PCDH11X: variants seen among roughly 807,000 people sequenced by gnomAD.
PCDH11X encodes the protein protocadherin 11 X-linked.
Under a neutral mutation model 53.3 loss-of-function variants are expected in PCDH11X, and 18 were observed. The observed-to-expected ratio is 0.34, with a 90% CI of 0.23 to 0.50. The LOEUF is 0.50. Among genes scored for constraint, PCDH11X ranks in the 20% least tolerant of loss-of-function variants. The pLI is 0.98. For missense variants in PCDH11X, 570 were observed against 1,032.4 expected, an observed-to-expected ratio of 0.55 and a Z score of 6.14; for synonymous variants, 279 against 393.3, an observed-to-expected ratio of 0.71 and a Z score of 3.44.
intron 6 of PCDH11X, among the ~76,000 whole-genome samples, chrX:91,973,318 T>C (rs2061996825): frequency 1.0e-5 from 1 of 99,007 alleles, no homozygotes; most frequent in Non-Finnish European, 2.0e-5. Context: ...GGGATAGCAT[T>C]GGGAGATATA....
intron 6 of PCDH11X, among the ~76,000 whole-genome samples, chrX:92,057,657 G>T (rs978390330): frequency 1.3e-4 from 14 of 108,390 alleles, no homozygotes; most frequent in African/African-American, 4.1e-4. Flanking sequence ...TTTGCAAATT[G>T]GTTTCTCAAT....
chrX:92,475,101 C>T (rs1249879671), intron 10 of PCDH11X, among the ~76,000 whole-genome samples: 1 of 83,224 alleles, frequency 1.2e-5, no homozygotes, highest in Non-Finnish European at 2.1e-5. Context: ...GGAGGCGGAG[C>T]TTGCAGTGAG....
At chrX:92,116,689 G>A (rs776828564) in intron 6 of PCDH11X, among the ~76,000 whole-genome samples, 2 of 111,126 alleles carry the variant, frequency 1.8e-5, no homozygotes, top group South Asian at 7.7e-4. Context: ...AGGCTCAAGC[G>A]ATCCTCACTC....
At chrX:92,546,551 A>G (rs1258438558) in intron 10 of PCDH11X, among the ~76,000 whole-genome samples, 2 of 110,438 alleles carry the variant, frequency 1.8e-5, no homozygotes, top group African/African-American at 6.7e-5. Context: ...TAATGCAAGG[A>G]AAAAAAATAA....
chrX:91,984,828 G>A lies in PCDH11X; in HGVS notation c.3033+105555G>A, dbSNP rs750952713. Among the ~76,000 whole-genome samples, 211 of 111,513 alleles carry A rather than the reference G, an allele frequency of 1.9e-3. 1 individual carries two copies. Among genetic ancestry groups the A allele is most frequent in the Non-Finnish European group, 3.2e-3 (171 of 53,110 alleles). ...TGGCATTTTTTAAAATCCAACATAT[G>A]TATGCTTCTTCAAAGTCTTGGCTTT... On this transcript the variant is annotated intron_variant, in intron 6 of 10. Coordinates refer to ENST00000682573, the MANE Select transcript of PCDH11X (RefSeq NM_032968.5).
rs748849693 is a variant in PCDH11X, at chrX:92,571,045, A to G, written c.3368-47219A>G. 6.7e-4 allele frequency among the ~76,000 whole-genome samples: 75 copies of G among 112,198 alleles called. 1 individual carries two copies. The highest frequency in any genetic ancestry group is 1.2e-3 in the Non-Finnish European group (65 of 53,198). On this transcript the variant is annotated intron_variant, in intron 10 of 10. Transcript: ENST00000682573. The stretch of plus-strand genomic sequence containing the variant: ...TGACGAGTTTTTATAATTTATAGAA[A>G]TTACCTTACATTGTTTTCAAATTGA...
chrX:92,436,792 C>G (rs2072385900), intron 9 of PCDH11X, among the ~76,000 whole-genome samples: 1 of 109,398 alleles, frequency 9.1e-6, no homozygotes, highest in South Asian at 3.9e-4. Context: ...AAGAAAGAAA[C>G]AACAGACAAA....
At chrX:92,232,992 G>T (rs762839353) in intron 7 of PCDH11X, among the ~76,000 whole-genome samples, 19 of 111,937 alleles carry the variant, frequency 1.7e-4, no homozygotes, top group South Asian at 3.7e-4. Context: ...TGGGATTACA[G>T]GCGTGAGCCA....
chrX:91,824,139 G>C (rs1365885167), intron 4 of PCDH11X, among the ~76,000 whole-genome samples: 1 of 111,078 alleles, frequency 9.0e-6, no homozygotes, highest in Non-Finnish European at 1.9e-5. Context: ...TGATGAATCT[G>C]ACAATTATGT....
intron 1 of PCDH11X, among the ~76,000 whole-genome samples, chrX:91,802,505 C>T (rs1471603548): frequency 1.8e-5 from 2 of 111,295 alleles, no homozygotes; most frequent in Middle Eastern, 4.2e-3. Context: ...TAAGAAGGCC[C>T]ACACATTCTG....
intron 6 of PCDH11X, among the ~76,000 whole-genome samples, chrX:92,180,645 G>T (rs2065981078): frequency 9.0e-6 from 1 of 111,375 alleles, no homozygotes; most frequent in Non-Finnish European, 1.9e-5. Context: ...GGAGGGACTT[G>T]GTGGAAGATA....
intron 6 of PCDH11X, among the ~76,000 whole-genome samples, chrX:92,015,786 C>G (rs1460809674): frequency 8.9e-6 from 1 of 111,835 alleles, no homozygotes; most frequent in East Asian, 2.8e-4. Flanking sequence ...CACCTTCTTC[C>G]AAGTTCTTGT....
At chrX:92,072,381 C>T (rs1289671758) in intron 6 of PCDH11X, among the ~76,000 whole-genome samples, 1 of 111,040 alleles carries the variant, frequency 9.0e-6, no homozygotes, top group Admixed American at 9.6e-5. Flanking sequence ...CTATAACCAC[C>T]ACTGCTGATA....
intron 8 of PCDH11X, among the ~76,000 whole-genome samples, chrX:92,353,132 G>A (rs1022687932): frequency 4.5e-5 from 5 of 111,095 alleles, no homozygotes; most frequent in African/African-American, 1.6e-4. Context: ...TTATGCTCTC[G>A]TACTTCAAAA....
At chrX:92,011,771 T>C (rs1353681715) in intron 6 of PCDH11X, among the ~76,000 whole-genome samples, 1 of 111,159 alleles carries the variant, frequency 9.0e-6, no homozygotes, top group African/African-American at 3.3e-5. Context: ...AGCAAGAACA[T>C]TGATACTTAG....
chrX:91,904,028 T>G (rs2147788949), intron 6 of PCDH11X, among the ~76,000 whole-genome samples: 1 of 109,610 alleles, frequency 9.1e-6, no homozygotes, highest in East Asian at 2.9e-4. Flanking sequence ...AAGTAGGAGT[T>G]GAGGAGATGG....
chrX:92,575,229 T>C (rs1168029302), intron 10 of PCDH11X, among the ~76,000 whole-genome samples: 1 of 110,287 alleles, frequency 9.1e-6, no homozygotes, highest in Non-Finnish European at 1.9e-5. Flanking sequence ...TTTGAATATA[T>C]CATGGATAAT....
At chrX:91,856,503 C>G (rs754735717) in intron 5 of PCDH11X, among the ~76,000 whole-genome samples, 1 of 109,194 alleles carries the variant, frequency 9.2e-6, no homozygotes, top group Admixed American at 9.8e-5. Context: ...GCAGGATGTG[C>G]AGTTCATTAC....
intron 8 of PCDH11X, among the ~76,000 whole-genome samples, chrX:92,278,794 A>G (rs1161683112): frequency 1.0e-5 from 1 of 96,095 alleles, no homozygotes; most frequent in Non-Finnish European, 2.0e-5. Flanking sequence ...GAGGCCTGAC[A>G]GTCTCTTTTC....
Sources: allele counts gnomAD v4.1 joint callset (sites outside exome capture counted in the v4.1 genomes callset), GRCh38; gene constraint gnomAD v4.1.1; transcripts MANE v1.5; gene names NCBI Gene and HGNC (gene_info 2026-07-23, HGNC 2026-07-21).